The following MYOCD variants were observed in gnomAD, a reference collection of about 807,000 sequenced individuals.
MYOCD encodes the protein myocardin.
MYOCD carries 32 observed loss-of-function variants against 96.1 expected under a neutral mutation model. The ratio of observed to expected loss-of-function variants is 0.33; its 90% CI spans 0.25 to 0.45. The LOEUF (loss-of-function observed/expected upper bound fraction) is 0.45. Ranked by LOEUF, MYOCD falls within the 20% of genes least tolerant of loss-of-function variation. The probability of loss-of-function intolerance (pLI) is 1.00; values close to 1 mark genes in which losing one functional copy is unlikely to be tolerated. For missense variants in MYOCD, 1,133 were observed against 1,200.6 expected, an observed-to-expected ratio of 0.94 and a Z score of 0.83; for synonymous variants, 469 against 469.0, an observed-to-expected ratio of 1.00 and a Z score of 0.00.
At chr17:12,719,032 G>A (rs780441510) in intron 4 of MYOCD, among the ~76,000 whole-genome samples, 4 of 151,900 alleles carry the variant, frequency 2.6e-5, no homozygotes, top group Admixed American at 6.6e-5. Flanking sequence ...AAACTTAGCC[G>A]GGTGTGGTGG....
intron 5 of MYOCD, among the ~76,000 whole-genome samples, chr17:12,734,504 CTTTTTTTT>C (rs3050319): frequency 3.1e-5 from 2 of 65,470 alleles, no homozygotes; most frequent in East Asian, 6.0e-4. Context: ...ACACATGATC[CTTTTTTTT>C]TTTTTTTTTT....
intron 9 of MYOCD, among the ~76,000 whole-genome samples, chr17:12,747,451 C>T (rs904642082): frequency 1.3e-5 from 2 of 152,092 alleles, no homozygotes; most frequent in African/African-American, 4.8e-5. Flanking sequence ...CGGGTACCAG[C>T]AGGACAACCG....
chr17:12,764,673 T>A lies in MYOCD; in HGVS notation c.*1029T>A, dbSNP rs969948943. On this transcript the variant is annotated 3_prime_UTR_variant, in exon 14 of 14. Coordinates refer to ENST00000425538, the MANE Select transcript of MYOCD (RefSeq NM_001146312.3). ...TCCTTTTGTTTTGTTATTATCAGTT[T>A]ATCTTTCTCCCACTCCACTTTTCCT... The A allele has an allele frequency of 1.3e-5, 2 of 152,248 alleles. No individual in the cohort carries two copies. Among genetic ancestry groups the A allele is most frequent in the African/African-American group, 4.8e-5 (2 of 41,470 alleles). The allele number at this position is 152,248 out of a possible 1,614,324, so 9.4% of individuals were successfully genotyped here.
At chr17:12,740,295 C>T (rs1253751450) in intron 7 of MYOCD, among the ~76,000 whole-genome samples, 1 of 152,176 alleles carries the variant, frequency 6.6e-6, no homozygotes, top group Admixed American at 6.5e-5. Context: ...ACACTGTACA[C>T]AATACGGAAT....
chr17:12,677,895 TG>T (rs901968987), intron 1 of MYOCD, among the ~76,000 whole-genome samples: 18 of 142,070 alleles, frequency 1.3e-4, no homozygotes, highest in South Asian at 4.4e-4. Flanking sequence ...CTTTCTTTTT[TG>T]TTTTTTTTTT....
chr17:12,667,252 G>A (rs1909427141), intron 1 of MYOCD, among the ~76,000 whole-genome samples: 1 of 152,226 alleles, frequency 6.6e-6, no homozygotes, highest in Non-Finnish European at 1.5e-5. Flanking sequence ...AAATGTAGAT[G>A]CTGGGAGGTA....
rs551199702 is a variant in MYOCD at position 12,677,453 on chromosome 17, C to T, written c.55+11210C>T. Among the ~76,000 whole-genome samples the T allele has an allele frequency of 6.4e-4, 97 of 152,264 alleles. No homozygotes were observed. The East Asian group carries it at 0.016, about 25-fold the overall frequency. Reference sequence around the variant, plus strand: ...ATAGGCCGGGCACAGTGGCTCACGCCTGTAATCCCAGCACTTTGGGAGGCC... The same window carrying T: ...ATAGGCCGGGCACAGTGGCTCACGCTTGTAATCCCAGCACTTTGGGAGGCC... On this transcript the variant is annotated intron_variant, in intron 1 of 13. Coordinates refer to ENST00000425538, the MANE Select transcript of MYOCD (RefSeq NM_001146312.3).
rs563242965 is a variant in MYOCD at position 12,693,294 on chromosome 17, T to C, written c.56-11834T>C. 2.0e-5 allele frequency among the ~76,000 whole-genome samples: 3 copies of C among 152,160 alleles called. No individual in the cohort carries two copies. In the South Asian group the frequency reaches 6.2e-4, roughly 32 times the overall value. On this transcript the variant is annotated intron_variant, in intron 1 of 13. Coordinates refer to ENST00000425538, the MANE Select transcript of MYOCD (RefSeq NM_001146312.3). ...GAGCTGTCGTGGGACATTTATGTTT[T>C]TTTAAAACAAACAAACAAACAAAAA... is the stretch of plus-strand genomic sequence containing the variant.
At chr17:12,737,613 C>T (rs1204741850) in intron 6 of MYOCD, among the ~76,000 whole-genome samples, 4 of 152,208 alleles carry the variant, frequency 2.6e-5, no homozygotes, top group Non-Finnish European at 4.4e-5. Context: ...TGTCTCTATC[C>T]AGAGAGCCCT....
At chr17:12,701,092 A>G (rs1304087603) in intron 1 of MYOCD, among the ~76,000 whole-genome samples, 1 of 152,188 alleles carries the variant, frequency 6.6e-6, no homozygotes, top group Non-Finnish European at 1.5e-5. Flanking sequence ...TTTAATGTCT[A>G]GAATATATGG....
intron 10 of MYOCD, among the ~76,000 whole-genome samples, chr17:12,754,061 G>GGTGTGTGTGTGT (rs71144923): frequency 0.027 from 4,052 of 149,500 alleles, 58 homozygotes; most frequent in Middle Eastern, 0.031. Flanking sequence ...AAAGCAAAGA[G>GGTGTGTGTGTGT]GTGTGTGTGT....
chr17:12,722,358 A>AT (rs1567586714), intron 4 of MYOCD, among the ~76,000 whole-genome samples: 1 of 152,058 alleles, frequency 6.6e-6, no homozygotes, highest in East Asian at 1.9e-4. Flanking sequence ...TTTCAATGGA[A>AT]TTTTTTTTCT....
chr17:12,731,874 G>A (rs961305642), intron 5 of MYOCD, among the ~76,000 whole-genome samples: 6 of 152,206 alleles, frequency 3.9e-5, no homozygotes, highest in South Asian at 2.1e-4. Context: ...CATCAACAGC[G>A]ACGAGCTAAG....
In MYOCD at chr17:12,700,199, A is replaced by G. The variant is rs150959335; in HGVS notation, c.56-4929A>G. 8.2e-4 allele frequency among the ~76,000 whole-genome samples: 125 copies of G among 151,530 alleles called. 1 individual carries two copies. The East Asian group carries it at 0.02, about 24-fold the overall frequency. The stretch of plus-strand genomic sequence containing the variant: ...GCTGGGATTACAGGCGTGAGCCACC[A>G]CAACCAGTCAATAAGCATATATTTC... On this transcript the variant is annotated intron_variant, in intron 1 of 13. Transcript: ENST00000425538.
chr17:12,696,825 G>A (rs2030774937), intron 1 of MYOCD, among the ~76,000 whole-genome samples: 1 of 152,160 alleles, frequency 6.6e-6, no homozygotes, highest in Admixed American at 6.6e-5. Context: ...ATATCTGTTA[G>A]ACAGTGCACA....
At chr17:12,675,416 A>G (rs1433295979) in intron 1 of MYOCD, among the ~76,000 whole-genome samples, 1 of 152,238 alleles carries the variant, frequency 6.6e-6, no homozygotes, top group Non-Finnish European at 1.5e-5. Context: ...ATATATTCAC[A>G]GTATAGAATA....
Position 12,739,299 on chromosome 17 carries a change from A to G in MYOCD, c.688A>G (p.Thr230Ala). The change falls in exon 7 of 14, where the codon ACC becomes GCC. Residue 230 changes from threonine to alanine, a missense_variant. By Grantham distance (58) the Thr-to-Ala change is moderately conservative. Coordinates refer to ENST00000425538, the MANE Select transcript of MYOCD (RefSeq NM_001146312.3). ...GAAGCAGGGGCTTGGCCCCCCCAGC[A>G]CCCCCATAGCCGTGCATGCTGCTGT... ...AGKQGLGPPS[T>A]PIAVHAAVKS... 1 of 1,607,434 alleles carries G rather than the reference A, an allele frequency of 6.2e-7. No individual in the cohort carries two copies. Among genetic ancestry groups the G allele is most frequent in the Non-Finnish European group, 8.5e-7 (1 of 1,177,300 alleles).
At chr17:12,710,962 CCTT>C (rs1393371777) in intron 2 of MYOCD, among the ~76,000 whole-genome samples, 2 of 152,166 alleles carry the variant, frequency 1.3e-5, no homozygotes, top group Non-Finnish European at 2.9e-5. Flanking sequence ...TTTGTACCCT[CCTT>C]CTGAGAAATT....
At chr17:12,735,091 C>T (rs2032303063) in intron 5 of MYOCD, among the ~76,000 whole-genome samples, 1 of 152,216 alleles carries the variant, frequency 6.6e-6, no homozygotes, top group South Asian at 2.1e-4. Context: ...ACATTTGTTC[C>T]ATTACTTCCA....
Sources: gnomAD v4.1 joint callset for allele counts (sites outside exome capture counted in the v4.1 genomes callset) on GRCh38, gnomAD v4.1.1 for gene constraint, MANE v1.5 for transcripts, NCBI Gene and HGNC (gene_info 2026-07-23, HGNC 2026-07-21) for gene names.